Variants in CEP350 observed in about 807,000 individuals in gnomAD.
The protein encoded by CEP350 is centrosomal protein 350.
Under a neutral mutation model 331.8 loss-of-function variants are expected in CEP350, and 126 were observed. The ratio of observed to expected loss-of-function variants is 0.38; its 90% CI spans 0.33 to 0.44. The LOEUF is 0.44. Among genes scored for constraint, CEP350 ranks in the 20% least tolerant of loss-of-function variants. The pLI is 1.00. For synonymous variants in CEP350, 1,200 were observed against 1,259.5 expected, an observed-to-expected ratio of 0.95 and a Z score of 1.00; for missense variants, 3,406 against 3,634.6, an observed-to-expected ratio of 0.94 and a Z score of 1.62.
chr1:180,080,985 G>A (rs547553443), intron 30 of CEP350, among the ~76,000 whole-genome samples: 3 of 151,650 alleles, frequency 2.0e-5, no homozygotes, highest in African/African-American at 7.3e-5. Context: ...TCAGCCTCCC[G>A]AGAAGCTGGG....
intron 25 of CEP350, among the ~76,000 whole-genome samples, chr1:180,056,465 TC>T (rs58710356): frequency 0.18 from 6,163 of 34,348 alleles, 149 homozygotes; most frequent in East Asian, 0.27. Context: ...CTTCTGCCCC[TC>T]CCCCCCCCCC....
chr1:179,984,136 G>T (rs1652481941), intron 1 of CEP350, among the ~76,000 whole-genome samples: 1 of 152,174 alleles, frequency 6.6e-6, no homozygotes. Context: ...CAAATAAGCA[G>T]AAATTCATAA....
chr1:179,955,119 C>T lies in CEP350; in HGVS notation c.-37C>T. On this transcript the variant is annotated 5_prime_UTR_variant, in exon 1 of 38. It introduces an in-frame stop codon into an upstream open reading frame of the 5' UTR. Coordinates refer to ENST00000367607, the MANE Select transcript of CEP350 (RefSeq NM_014810.5). ...GCTCCGCGGGATGCACCGTGGTAGCCGAGGGCGGAGGCGACACTCTCAGGT... is the reference window on the plus strand; with the variant it reads ...GCTCCGCGGGATGCACCGTGGTAGCTGAGGGCGGAGGCGACACTCTCAGGT... 6.8e-7 allele frequency: 1 copy of T among 1,473,586 alleles called. No individual in the cohort carries two copies. The highest frequency in any genetic ancestry group is 1.3e-5 in the South Asian group (1 of 78,946). 91.3% of individuals were successfully genotyped at this position (1,473,586 alleles called of 1,614,324 possible).
At chr1:180,003,308 T>C (rs1407336436) in intron 7 of CEP350, 21 bp downstream of exon 7, 2 of 1,458,694 alleles carry the variant, frequency 1.4e-6, no homozygotes, top group South Asian at 1.2e-5. Context: ...AGCTTTCTTA[T>C]GTTTTGAGTA....
chr1:180,072,379 T>G (rs536370807), intron 27 of CEP350, among the ~76,000 whole-genome samples: 2 of 152,322 alleles, frequency 1.3e-5, no homozygotes, highest in Non-Finnish European at 2.9e-5. Context: ...TATTTTACTT[T>G]TTGTACTAGG....
Position 180,037,063 on chromosome 1 carries a change from A to G in CEP350, c.4084A>G (p.Ser1362Gly). The change falls in exon 17 of 38, where the codon AGT becomes GGT. Residue 1362 changes from serine to glycine, a missense_variant. This residue lies in a region of CEP350 where 1,857 missense variants were observed against 1,909.2 expected (regional missense o/e 0.97). Coordinates refer to ENST00000367607, the MANE Select transcript of CEP350 (RefSeq NM_014810.5). Reference protein sequence around the residue: ...VRGISLAQQESVSLAQIIKAQ... With the variant: ...VRGISLAQQEGVSLAQIIKAQ... Reference sequence around the variant, plus strand: ...AGGCATTTCACTTGCTCAGCAGGAGAGTGTGTCTCTAGCTCAGATAATAAA... The same window carrying G: ...AGGCATTTCACTTGCTCAGCAGGAGGGTGTGTCTCTAGCTCAGATAATAAA... 6.2e-7 allele frequency: 1 copy of G among 1,604,468 alleles called. No individual in the cohort carries two copies. The highest frequency in any genetic ancestry group is 1.1e-5 in the South Asian group (1 of 88,872).
At chr1:180,088,129 A>G (rs547774178) in intron 32 of CEP350, among the ~76,000 whole-genome samples, 101 of 152,274 alleles carry the variant, frequency 6.6e-4, no homozygotes, top group South Asian at 2.7e-3. Flanking sequence ...GCATGAATAT[A>G]TTTATAATAA....
At chr1:179,955,634 A>G (rs1448868471) in intron 1 of CEP350, among the ~76,000 whole-genome samples, 1 of 152,182 alleles carries the variant, frequency 6.6e-6, no homozygotes, top group Non-Finnish European at 1.5e-5. Context: ...TAATTTGGGG[A>G]AAGATTTAAA....
chr1:180,037,051 G>T lies in CEP350; in HGVS notation c.4072G>T (p.Ala1358Ser). The change falls in exon 17 of 38, where the codon GCT becomes TCT. Residue 1358 changes from alanine (A) to serine (S), a missense_variant. By Grantham distance (99) the Ala-to-Ser change is moderately conservative. Coordinates refer to ENST00000367607, the MANE Select transcript of CEP350 (RefSeq NM_014810.5). ...DVERVRGISL[A>S]QQESVSLAQI... ...AGAAAGAGTTAGAGGCATTTCACTT[G>T]CTCAGCAGGAGAGTGTGTCTCTAGC... is the stretch of plus-strand genomic sequence containing the variant. 6.2e-7 allele frequency: 1 copy of T among 1,605,576 alleles called. No homozygotes were observed. The highest frequency in any genetic ancestry group is 8.5e-7 in the Non-Finnish European group (1 of 1,175,828).
chr1:179,987,152 C>A, intron 2 of CEP350, 88 bp from the exon 3 acceptor site: 1 of 718,600 alleles, frequency 1.4e-6, no homozygotes, highest in Admixed American at 2.6e-5. Context: ...CTTTTGAGTG[C>A]ATTTGGGAGC....
chr1:180,092,701 C>T lies in CEP350; in HGVS notation c.6596C>T (p.Thr2199Ile). ...AKRVNEWDSR[T>I]EDFQTPSPVL... is the part of the protein sequence containing the mutation. ...AGAGTAAATGAATGGGACAGTCGAA[C>T]AGAAGATTTTCAGACCCCATCTCCA... is the stretch of plus-strand genomic sequence containing the variant. The change falls in exon 34 of 38, where the codon ACA (threonine) becomes ATA (isoleucine). Residue 2199 changes from threonine to isoleucine, a missense_variant. By Grantham distance (89) the Thr-to-Ile change is moderately conservative. Around this residue, in one of 5 missense-constraint regions of CEP350, gnomAD observed 1,415 missense variants for 1,512.3 expected, o/e 0.94. Transcript: ENST00000367607. The T allele has an allele frequency of 6.2e-7, 1 of 1,612,560 alleles. No homozygotes were observed. Among genetic ancestry groups the T allele is most frequent in the Non-Finnish European group, 8.5e-7 (1 of 1,179,168 alleles).
At chr1:180,014,817 T>G (rs1282951412) in intron 10 of CEP350, among the ~76,000 whole-genome samples, 1 of 152,230 alleles carries the variant, frequency 6.6e-6, no homozygotes, top group Admixed American at 6.5e-5. Context: ...ATGTGGGGGT[T>G]GGGGTGCCAA....
chr1:179,998,480 A>G (rs1653635903), intron 6 of CEP350, among the ~76,000 whole-genome samples: 1 of 150,808 alleles, frequency 6.6e-6, no homozygotes, highest in Admixed American at 6.6e-5. Flanking sequence ...TAATTTTTGT[A>G]TTTTTAGTAG....
At chr1:180,045,939 A>G (rs906873550) in intron 21 of CEP350, among the ~76,000 whole-genome samples, 2 of 152,200 alleles carry the variant, frequency 1.3e-5, no homozygotes, top group Non-Finnish European at 1.5e-5. Context: ...CCAGTTCTCT[A>G]GAAGAACCAT....
intron 1 of CEP350, chr1:179,969,020 GA>G: frequency 1.3e-6 from 1 of 752,282 alleles, no homozygotes; most frequent in Non-Finnish European, 2.4e-6. Context: ...GTGGTGGTTT[GA>G]CCACCAGCCT....
chr1:180,023,734 A>C (rs1655489368), intron 13 of CEP350, among the ~76,000 whole-genome samples: 1 of 152,220 alleles, frequency 6.6e-6, no homozygotes, highest in Non-Finnish European at 1.5e-5. Flanking sequence ...ATAGTCACAT[A>C]GTAAGTGAAT....
At chr1:180,069,462 A>C (rs1658757421) in intron 27 of CEP350, among the ~76,000 whole-genome samples, 1 of 152,202 alleles carries the variant, frequency 6.6e-6, no homozygotes, top group South Asian at 2.1e-4. Context: ...AATAATGTTA[A>C]ATAGCATTGC....
chr1:179,957,822 G>T (rs944318770), intron 1 of CEP350, among the ~76,000 whole-genome samples: 1 of 152,054 alleles, frequency 6.6e-6, no homozygotes, highest in South Asian at 2.1e-4. Context: ...AACAGGTTAC[G>T]GTAATTTAAA....
At chr1:180,057,391 G>A (rs189772619) in intron 25 of CEP350, among the ~76,000 whole-genome samples, 13 of 152,100 alleles carry the variant, frequency 8.5e-5, no homozygotes, top group Admixed American at 2.0e-4. Context: ...GTGAGCCACC[G>A]TGCCTGGCCT....
Sources: gnomAD v4.1 joint callset for allele counts (sites outside exome capture counted in the v4.1 genomes callset) on GRCh38, gnomAD v4.1.1 for gene constraint, gnomAD v4.1.1 regional missense constraint, MANE v1.5 for transcripts, NCBI Gene and HGNC (gene_info 2026-07-23, HGNC 2026-07-21) for gene names.